The following FKTN variants were observed in gnomAD, a reference collection of about 807,000 sequenced individuals.
FKTN encodes the protein ribitol-5-phosphate transferase FKTN.
A neutral mutation model predicts 58.6 loss-of-function variants in FKTN; 47 were observed. The observed-to-expected ratio is 0.80, with a 90% CI of 0.63 to 1.02. The LOEUF (loss-of-function observed/expected upper bound fraction) is 1.02. FKTN is among the 50% of genes least tolerant of loss of function. The pLI is 0.00. For synonymous variants in FKTN, 178 were observed against 191.9 expected (o/e 0.93, Z 0.60); for missense variants, 516 against 537.3 (o/e 0.96, Z 0.39).
chr9:105,630,119 G>A (rs1833224797), intron 10 of FKTN, among the ~76,000 whole-genome samples: 1 of 152,014 alleles, frequency 6.6e-6, no homozygotes. Context: ...GTTAATGGGT[G>A]CAGCACACCA....
chr9:105,611,554 T>C (rs891376067), intron 7 of FKTN, among the ~76,000 whole-genome samples: 1 of 152,160 alleles, frequency 6.6e-6, no homozygotes, highest in African/African-American at 2.4e-5. Flanking sequence ...TATGCGTCCA[T>C]GTGTTCTCAT....
intron 3 of FKTN, among the ~76,000 whole-genome samples, 188 bp from the exon 4 acceptor site, chr9:105,596,410 T>C (rs537001569): frequency 1.3e-5 from 2 of 152,334 alleles, no homozygotes; most frequent in Non-Finnish European, 2.9e-5. Flanking sequence ...TATCGATGTT[T>C]TCCATCTTGG....
chr9:105,635,299 GA>G lies in FKTN; in HGVS notation c.*42del, dbSNP rs749100291. ...TTGAAATGGGAGAATTTCTCTTTTG[GA>G]AAAAAAGGTAGATAACTGTTTAAAA... On this transcript the variant is annotated 3_prime_UTR_variant, in exon 11 of 11. Coordinates refer to ENST00000357998, the MANE Select transcript of FKTN (RefSeq NM_001079802.2). The G allele has an allele frequency of 6.1e-4, 983 of 1,607,648 alleles. No homozygotes were observed. Among genetic ancestry groups the G allele is most frequent in the Admixed American group, 1.7e-3 (101 of 57,958 alleles).
At chr9:105,628,419 T>C (rs530124432) in intron 10 of FKTN, among the ~76,000 whole-genome samples, 9 of 151,528 alleles carry the variant, frequency 5.9e-5, no homozygotes, top group African/African-American at 2.2e-4. Flanking sequence ...GTTATTTATA[T>C]AGCAAGCTTT....
At position 105,563,827 on chromosome 9, in the gene FKTN, GA is replaced by G. The variant is rs544705846; in HGVS notation, c.-181+5663del. On this transcript the variant is annotated intron_variant, in intron 1 of 10. Coordinates refer to ENST00000357998, the MANE Select transcript of FKTN (RefSeq NM_001079802.2). Reference sequence around the variant, plus strand: ...TAGTGGTTCTCCCAGCATGGAGCTTGAGATCTGAGAACGGACAGACTGCCTC... The same window carrying G: ...TAGTGGTTCTCCCAGCATGGAGCTTGGATCTGAGAACGGACAGACTGCCTC... Among the ~76,000 whole-genome samples the G allele has an allele frequency of 5.8e-3, 884 of 152,348 alleles. 10 individuals carry two copies. Among genetic ancestry groups the G allele is most frequent in the African/African-American group, 0.021 (854 of 41,578 alleles).
At chr9:105,574,850 G>A (rs1587864402) in intron 2 of FKTN, 95 bp from the exon 3 acceptor site, 2 of 582,652 alleles carry the variant, frequency 3.4e-6, no homozygotes, top group Non-Finnish European at 6.1e-6. Flanking sequence ...GAATGCCTGT[G>A]GAAATTTAAT....
rs750226071 is a variant in FKTN at position 105,638,385 on chromosome 9, C to A, written c.*3121C>A. 73 of 985,268 alleles carry A rather than the reference C, an allele frequency of 7.4e-5. No homozygotes were observed. The highest frequency in any genetic ancestry group is 8.6e-5 in the Non-Finnish European group (71 of 829,906). The allele number at this position is 985,268 out of a possible 1,614,324, so 61.0% of individuals were successfully genotyped here. On this transcript the variant is annotated 3_prime_UTR_variant, in exon 11 of 11. Coordinates refer to ENST00000357998, the MANE Select transcript of FKTN (RefSeq NM_001079802.2). ...GAATTCAGAATTCTTAGGCAACCTTCATACCTTTATCTGGAAAATGCCTTC... is the reference window on the plus strand; with the variant it reads ...GAATTCAGAATTCTTAGGCAACCTTAATACCTTTATCTGGAAAATGCCTTC...
At chr9:105,596,487 G>T in intron 3 of FKTN, 111 bp from the exon 4 acceptor site, 1 of 729,224 alleles carries the variant, frequency 1.4e-6, no homozygotes, top group Non-Finnish European at 2.5e-6. Flanking sequence ...ATTTGATAAT[G>T]CTTTTTAATG....
At chr9:105,594,736 CT>C (rs1826436089) in intron 3 of FKTN, among the ~76,000 whole-genome samples, 1 of 152,104 alleles carries the variant, frequency 6.6e-6, no homozygotes, top group Non-Finnish European at 1.5e-5. Context: ...ACAGAGACCC[CT>C]GTCTCATTAA....
At chr9:105,624,106 T>C (rs1220127206) in intron 10 of FKTN, among the ~76,000 whole-genome samples, 1 of 152,176 alleles carries the variant, frequency 6.6e-6, no homozygotes, top group Non-Finnish European at 1.5e-5. Context: ...TTGATACATA[T>C]TGCCAGGTTG....
rs78498706 is a variant in FKTN at position 105,623,645 on chromosome 9, G to T, written c.1172+3584G>T. ...TGGACCACACTCCCATCCAGGTGTGGATCCTGTGTAATTTATCACTTCATT... is the reference window on the plus strand; with the variant it reads ...TGGACCACACTCCCATCCAGGTGTGTATCCTGTGTAATTTATCACTTCATT... On this transcript the variant is annotated intron_variant, in intron 10 of 10. Transcript: ENST00000357998. Among the ~76,000 whole-genome samples the T allele has an allele frequency of 9.0e-3, 1,370 of 152,258 alleles. 22 individuals carry two copies. Among genetic ancestry groups the T allele is most frequent in the African/African-American group, 0.032 (1,312 of 41,540 alleles).
intron 3 of FKTN, among the ~76,000 whole-genome samples, chr9:105,589,216 G>A (rs947603612): frequency 7.2e-5 from 11 of 152,104 alleles, no homozygotes; most frequent in Admixed American, 6.6e-4. Context: ...AAGGGCCGAC[G>A]GCTGGGCACA....
chr9:105,629,692 T>C (rs753004396), intron 10 of FKTN, among the ~76,000 whole-genome samples: 7 of 152,158 alleles, frequency 4.6e-5, no homozygotes, highest in African/African-American at 7.2e-5. Flanking sequence ...GTTTTTAATG[T>C]AGTCATTATG....
At chr9:105,587,547 C>T (rs993557672) in intron 3 of FKTN, among the ~76,000 whole-genome samples, 9 of 152,100 alleles carry the variant, frequency 5.9e-5, no homozygotes, top group Non-Finnish European at 1.2e-4. Context: ...TCAAGGATAA[C>T]ATATAGGTCA....
chr9:105,586,065 A>G (rs982018034), intron 3 of FKTN, among the ~76,000 whole-genome samples: 3 of 152,208 alleles, frequency 2.0e-5, no homozygotes, highest in Non-Finnish European at 4.4e-5. Context: ...ACACTCTAGT[A>G]CTGGCTACCT....
At chr9:105,595,528 C>G (rs1826612921) in intron 3 of FKTN, among the ~76,000 whole-genome samples, 1 of 152,166 alleles carries the variant, frequency 6.6e-6, no homozygotes, top group African/African-American at 2.4e-5. Flanking sequence ...TCAGACATCC[C>G]TTAGTATTAA....
chr9:105,574,477 G>A, intron 2 of FKTN: 1 of 152,670 alleles, frequency 6.6e-6, no homozygotes, highest in Non-Finnish European at 1.5e-5. Flanking sequence ...AATAAAAACT[G>A]ACCACATCCT....
Position 105,627,979 on chromosome 9 carries a change from A to G in FKTN, c.1173-7072A>G, listed in dbSNP as rs116099031. ...AACCTAACGTGGTTGGAGAATTAAA[A>G]CTATAGAATTAAGTTAGCCTAGTTG... is the stretch of plus-strand genomic sequence containing the variant. On this transcript the variant is annotated intron_variant, in intron 10 of 10. Transcript: ENST00000357998. Among the ~76,000 whole-genome samples, 1,488 of 152,268 alleles carry G rather than the reference A, an allele frequency of 9.8e-3. 26 individuals are homozygous for G. The highest frequency in any genetic ancestry group is 0.035 in the African/African-American group (1,436 of 41,556).
chr9:105,621,191 G>A (rs575274297), intron 10 of FKTN, among the ~76,000 whole-genome samples: 75 of 152,228 alleles, frequency 4.9e-4, no homozygotes, highest in South Asian at 4.1e-3. Flanking sequence ...AATGAGCAGT[G>A]ATAGAACTGT....
Sources: allele counts gnomAD v4.1 joint callset (sites outside exome capture counted in the v4.1 genomes callset), GRCh38; gene constraint gnomAD v4.1.1; transcripts MANE v1.5; gene names NCBI Gene and HGNC (gene_info 2026-07-23, HGNC 2026-07-21).